PIEZO2: variants seen among roughly 807,000 people sequenced by gnomAD.
PIEZO2 encodes the protein piezo-type mechanosensitive ion channel component 2.
Under a neutral mutation model 337.3 loss-of-function variants are expected in PIEZO2, and 172 were observed. The observed-to-expected ratio is 0.51, with a 90% CI of 0.45 to 0.58. The LOEUF (loss-of-function observed/expected upper bound fraction) is 0.58. Among genes scored for constraint, PIEZO2 ranks in the 20% least tolerant of loss-of-function variants. The probability of loss-of-function intolerance (pLI) is 0.00; values close to 1 mark genes in which losing one functional copy is unlikely to be tolerated. For synonymous variants in PIEZO2, 1,251 were observed against 1,228.5 expected (o/e 1.02, Z -0.38); for missense variants, 3,028 against 3,391.3 (o/e 0.89, Z 2.66).
chr18:10,972,793 C>G (rs147330254), intron 3 of PIEZO2, among the ~76,000 whole-genome samples: 1 of 152,220 alleles, frequency 6.6e-6, no homozygotes, highest in African/African-American at 2.4e-5. Flanking sequence ...CAGTGTATGA[C>G]CTTGGGCAAG....
rs1014975180 is a variant in PIEZO2 at position 11,038,697 on chromosome 18, G to A, written c.160+27430C>T. On this transcript the variant is annotated intron_variant, in intron 2 of 55. Transcript: ENST00000674853. The surrounding 1 kb of genome is among the most constrained non-coding windows in gnomAD (Gnocchi z 4.1). ...ACCACTTGCTTAATAAGTGTTCTTG[G>A]GTAAATTATGTATCTTCTCAACATT... 1.3e-5 allele frequency among the ~76,000 whole-genome samples: 2 copies of A among 151,952 alleles called. No homozygotes were observed. The highest frequency in any genetic ancestry group is 4.8e-5 in the African/African-American group (2 of 41,366).
chr18:10,710,294 T>G (rs2035766002), intron 39 of PIEZO2, among the ~76,000 whole-genome samples: 1 of 152,090 alleles, frequency 6.6e-6, no homozygotes, highest in Non-Finnish European at 1.5e-5. Context: ...CCAGGACAGT[T>G]TAAAAGTGAA....
At chr18:10,808,646 T>G (rs1039173926) in intron 7 of PIEZO2, among the ~76,000 whole-genome samples, 1 of 152,242 alleles carries the variant, frequency 6.6e-6, no homozygotes, top group Non-Finnish European at 1.5e-5. Context: ...TTATAAAATC[T>G]TTTTATCTTA....
chr18:10,922,941 G>GT (rs952022471), intron 3 of PIEZO2, among the ~76,000 whole-genome samples: 51 of 152,234 alleles, frequency 3.4e-4, no homozygotes, highest in African/African-American at 1.2e-3. Context: ...CCTTTACTGT[G>GT]TAAGTCTGAA....
chr18:11,024,554 A>G (rs1321380999), intron 2 of PIEZO2, among the ~76,000 whole-genome samples: 1 of 150,692 alleles, frequency 6.6e-6, no homozygotes, highest in African/African-American at 2.4e-5. Flanking sequence ...TCAGAAAAAA[A>G]AAAAAAAAAG....
intron 7 of PIEZO2, among the ~76,000 whole-genome samples, chr18:10,820,146 T>C (rs572567502): frequency 1.3e-5 from 2 of 152,300 alleles, no homozygotes; most frequent in South Asian, 4.1e-4. Context: ...TATTGTGTTT[T>C]TGTGGGACTT....
chr18:10,740,852 G>A, intron 33 of PIEZO2, 179 bp downstream of exon 33: 1 of 715,656 alleles, frequency 1.4e-6, no homozygotes, highest in Non-Finnish European at 2.5e-6. Flanking sequence ...GTCTCTGGAA[G>A]AATTGGACCC....
intron 20 of PIEZO2, among the ~76,000 whole-genome samples, chr18:10,770,597 C>CGCTT (rs1184652119): frequency 1.3e-5 from 2 of 151,762 alleles, no homozygotes; most frequent in Admixed American, 6.6e-5. Flanking sequence ...TCCTTCCACT[C>CGCTT]GCTTGCTTGC....
At chr18:11,018,829 A>G (rs2036215078) in intron 2 of PIEZO2, among the ~76,000 whole-genome samples, 1 of 152,196 alleles carries the variant, frequency 6.6e-6, no homozygotes, top group African/African-American at 2.4e-5. Flanking sequence ...TTTTTGAGGT[A>G]TACAATTCTA....
chr18:10,817,902 G>T (rs375922065), intron 7 of PIEZO2, among the ~76,000 whole-genome samples: 1 of 143,300 alleles, frequency 7.0e-6, no homozygotes, highest in Admixed American at 7.1e-5. Context: ...CAGCCTGGGC[G>T]ACAGAGCAAG....
At chr18:11,067,869 C>T (rs902685074) in intron 1 of PIEZO2, among the ~76,000 whole-genome samples, 2 of 152,166 alleles carry the variant, frequency 1.3e-5, no homozygotes, top group African/African-American at 4.8e-5. Flanking sequence ...ATGAATCTAA[C>T]AGACACATAC....
At chr18:10,708,905 T>C (rs8098834) in intron 39 of PIEZO2, among the ~76,000 whole-genome samples, 33,400 of 152,126 alleles carry the variant, frequency 0.22, 3,989 homozygotes, top group East Asian at 0.48. Context: ...TTCAATCTTT[T>C]TTTTCTTTTT....
intron 2 of PIEZO2, among the ~76,000 whole-genome samples, chr18:10,990,739 G>A (rs2035057459): frequency 6.8e-6 from 1 of 147,444 alleles, no homozygotes. Context: ...CTATATAGAA[G>A]TTACATTATT....
intron 26 of PIEZO2, 148 bp from the exon 27 acceptor site, chr18:10,758,282 C>T: frequency 1.1e-6 from 1 of 946,788 alleles, no homozygotes; most frequent in Non-Finnish European, 1.5e-6. Context: ...ATCCTGGAGT[C>T]CAATGTCGGG....
chr18:10,768,182 C>T (rs2038447035), intron 21 of PIEZO2, among the ~76,000 whole-genome samples: 1 of 152,132 alleles, frequency 6.6e-6, no homozygotes. Flanking sequence ...GGACCCGAGT[C>T]TCGATGATTC....
At chr18:10,884,663 T>C (rs573989012) in intron 4 of PIEZO2, among the ~76,000 whole-genome samples, 12 of 152,326 alleles carry the variant, frequency 7.9e-5, no homozygotes, top group African/African-American at 2.9e-4. Flanking sequence ...TCTACCACAC[T>C]GGCAGTGAAC....
rs923904380 is a variant in PIEZO2, at chr18:10,855,309, G to C, written c.917+44C>G. On this transcript the variant is annotated intron_variant, in intron 7 of 55. Transcript: ENST00000674853. This position sits in a 1 kb window ranked among gnomAD's most constrained non-coding sequence, Gnocchi z 4.9. Reference sequence around the variant, plus strand: ...TGCCAAACCAAGGTCCCAAAGGCGTGGGGGGACAACCTCTCCTGGAAATGC... The same window carrying C: ...TGCCAAACCAAGGTCCCAAAGGCGTCGGGGGACAACCTCTCCTGGAAATGC... 34 of 1,469,234 alleles carry C rather than the reference G, an allele frequency of 2.3e-5. No homozygotes were observed. The Admixed American group carries it at 6.5e-4, about 28-fold the overall frequency. 91.0% of individuals were successfully genotyped at this position (1,469,234 alleles called of 1,614,324 possible). A position where few individuals can be genotyped will look rare whatever the true frequency, so the allele number is the denominator to read the frequency against.
At position 10,952,619 on chromosome 18, in the gene PIEZO2, T is replaced by C. The variant is rs751901175; in HGVS notation, c.286+26916A>G. On this transcript the variant is annotated intron_variant, in intron 3 of 55. Coordinates refer to ENST00000674853, the MANE Select transcript of PIEZO2 (RefSeq NM_001378183.1). The surrounding 1 kb of genome is among the most constrained non-coding windows in gnomAD (Gnocchi z 4.1). ...TGAAAGACATTGAAGTTGCTTCCAGTTGGGGCAATGACGAATAAACCTGCT... is the reference window on the plus strand; with the variant it reads ...TGAAAGACATTGAAGTTGCTTCCAGCTGGGGCAATGACGAATAAACCTGCT... Among the ~76,000 whole-genome samples, 19 of 152,226 alleles carry C rather than the reference T, an allele frequency of 1.2e-4. No homozygotes were observed. Among genetic ancestry groups the C allele is most frequent in the Non-Finnish European group, 2.5e-4 (17 of 68,034 alleles).
rs7241674 is a variant in PIEZO2 at position 10,954,673 on chromosome 18, C to A, written c.286+24862G>T. Among the ~76,000 whole-genome samples, 3,286 of 152,252 alleles carry A rather than the reference C, an allele frequency of 0.022. 118 individuals carry two copies. The highest frequency in any genetic ancestry group is 0.074 in the African/African-American group (3,089 of 41,532). On this transcript the variant is annotated intron_variant, in intron 3 of 55. Transcript: ENST00000674853. This position sits in a 1 kb window ranked among gnomAD's most constrained non-coding sequence, Gnocchi z 4.2. The stretch of plus-strand genomic sequence containing the variant: ...TGATGGCGGCACTCGAAGTCCACTG[C>A]AGTCCACTTTTGGGACTGGTTGCCA...
Sources: gnomAD v4.1 joint callset for allele counts (sites outside exome capture counted in the v4.1 genomes callset) on GRCh38, gnomAD v4.1.1 for gene constraint, Gnocchi (gnomAD v3.1) non-coding constraint, MANE v1.5 for transcripts, NCBI Gene and HGNC (gene_info 2026-07-23, HGNC 2026-07-21) for gene names.